Variants in TMEM242 observed in about 807,000 individuals in gnomAD.
TMEM242 encodes transmembrane protein 242, also known as UPF0463 transmembrane protein C6orf35.
TMEM242 carries 10 observed loss-of-function variants against 18.2 expected under a neutral mutation model. The ratio of observed to expected loss-of-function variants is 0.55; its 90% CI spans 0.34 to 0.93. The LOEUF is 0.93. TMEM242 is among the 40% of genes least tolerant of loss of function. The pLI, the probability that TMEM242 is intolerant of heterozygous loss-of-function variation, is 0.02. For missense variants in TMEM242, 186 were observed against 175.5 expected, an observed-to-expected ratio of 1.06 and a Z score of -0.34; for synonymous variants, 57 against 69.9, an observed-to-expected ratio of 0.81 and a Z score of 0.92.
intron 3 of TMEM242, among the ~76,000 whole-genome samples, chr6:157,312,532 GTGCACTCAGCTA>G (rs1562385008): frequency 8.1e-5 from 3 of 36,960 alleles, no homozygotes; most frequent in African/African-American, 2.1e-4. Flanking sequence ...CCGCCCCAGT[GTGCACTCAGCTA>G]GCCTCATCAT....
chr6:157,317,147 C>G (rs1778406608), intron 3 of TMEM242, among the ~76,000 whole-genome samples: 2 of 152,320 alleles, frequency 1.3e-5, no homozygotes, highest in East Asian at 1.9e-4. Flanking sequence ...AAACTTATCT[C>G]TTGATCCCAT....
chr6:157,292,895 C>A lies in TMEM242; in HGVS notation c.*6G>T. On this transcript the variant is annotated 3_prime_UTR_variant, in exon 4 of 4. Coordinates refer to ENST00000400788, the MANE Select transcript of TMEM242 (RefSeq NM_018452.6). ...ACAAGCATTTTGAAATTCATCCATG[C>A]TCATCTCATTTGGATTTCAATGTTT... 1 of 1,607,026 alleles carries A rather than the reference C, an allele frequency of 6.2e-7. No homozygotes were observed. Among genetic ancestry groups the A allele is most frequent in the Non-Finnish European group, 8.5e-7 (1 of 1,173,764 alleles).
intron 3 of TMEM242, among the ~76,000 whole-genome samples, chr6:157,313,391 C>T (rs1778268850): frequency 9.5e-6 from 1 of 105,198 alleles, no homozygotes; most frequent in African/African-American, 3.5e-5. Context: ...TGTACGCTCA[C>T]CGGGCCTTAT....
In TMEM242 at chr6:157,305,573, G is replaced by A. The variant is rs1554247860; in HGVS notation, c.328-12574C>T. 6.6e-6 allele frequency among the ~76,000 whole-genome samples: 1 copy of A among 152,210 alleles called. No homozygotes were observed. Among genetic ancestry groups the A allele is most frequent in the East Asian group, 1.9e-4 (1 of 5,200 alleles). ...AGATAGTACTGTTTGTTTTAAAGTGGCAGGGACTGGACGAAAGAGCCAAGG... is the reference window on the plus strand; with the variant it reads ...AGATAGTACTGTTTGTTTTAAAGTGACAGGGACTGGACGAAAGAGCCAAGG... On this transcript the variant is annotated intron_variant, in intron 3 of 3. Transcript: ENST00000400788. This position sits in a 1 kb window ranked among gnomAD's most constrained non-coding sequence, Gnocchi z 4.1.
At chr6:157,311,206 CCG>C (rs1778061989) in intron 3 of TMEM242, among the ~76,000 whole-genome samples, 1 of 144,638 alleles carries the variant, frequency 6.9e-6, no homozygotes. Flanking sequence ...ATCATACTGT[CCG>C]ACTGTGCGCT....
chr6:157,322,213 C>T (rs1345518255), intron 2 of TMEM242, among the ~76,000 whole-genome samples: 4 of 152,190 alleles, frequency 2.6e-5, no homozygotes, highest in African/African-American at 9.7e-5. Flanking sequence ...TCACTACAAC[C>T]TCAGCCTCCT....
At chr6:157,302,489 C>A (rs150874731) in intron 3 of TMEM242, among the ~76,000 whole-genome samples, 4,931 of 152,296 alleles carry the variant, frequency 0.032, 132 homozygotes, top group Admixed American at 0.047. Flanking sequence ...TACAATCTCT[C>A]TAATAGCTGC....
chr6:157,313,336 T>C (rs797041078), intron 3 of TMEM242, among the ~76,000 whole-genome samples: 20 of 39,752 alleles, frequency 5.0e-4, no homozygotes, highest in Non-Finnish European at 5.9e-4. Flanking sequence ...GGCCTCATCA[T>C]AGTGCCCCAG....
chr6:157,304,507 T>C (rs1554247779), intron 3 of TMEM242, among the ~76,000 whole-genome samples: 3 of 107,958 alleles, frequency 2.8e-5, no homozygotes, highest in African/African-American at 7.0e-5. Context: ...AGAGAGAGAG[T>C]GCCACTGAAA....
intron 3 of TMEM242, among the ~76,000 whole-genome samples, chr6:157,295,868 T>C (rs887962327): frequency 3.3e-5 from 5 of 152,108 alleles, no homozygotes; most frequent in Non-Finnish European, 7.4e-5. Context: ...AACGCAGACA[T>C]TTAAGATATA....
At chr6:157,304,284 G>A (rs781940965) in intron 3 of TMEM242, among the ~76,000 whole-genome samples, 5 of 151,842 alleles carry the variant, frequency 3.3e-5, no homozygotes, top group Non-Finnish European at 7.4e-5. Context: ...TGGTCAACAT[G>A]GTGAAAGCCC....
Position 157,311,218 on chromosome 6 carries a change from TCACC to T in TMEM242, c.327+7560_327+7563del, listed in dbSNP as rs1562382750. Reference sequence around the variant, plus strand: ...CTGATCATACTGTCCGACTGTGCGCTCACCTAGCCTCATCATAGTGTCCCAGTGT... The same window carrying T: ...CTGATCATACTGTCCGACTGTGCGCTTAGCCTCATCATAGTGTCCCAGTGT... On this transcript the variant is annotated intron_variant, in intron 3 of 3. Transcript: ENST00000400788. 5.9e-4 allele frequency among the ~76,000 whole-genome samples: 64 copies of T among 108,478 alleles called. 1 individual carries two copies. The highest frequency in any genetic ancestry group is 5.1e-4 in the Admixed American group (6 of 11,704). The allele number at this position is 108,478 out of a possible 152,430, so 71.2% of individuals were successfully genotyped here.
chr6:157,312,444 GA>G (rs1778187549), intron 3 of TMEM242, among the ~76,000 whole-genome samples: 1 of 35,520 alleles, frequency 2.8e-5, no homozygotes, highest in South Asian at 6.7e-4. Context: ...TGCACTCACC[GA>G]GCCTCATAGT....
At chr6:157,311,685 A>C (rs1278668053) in intron 3 of TMEM242, among the ~76,000 whole-genome samples, 54 of 50,956 alleles carry the variant, frequency 1.1e-3, no homozygotes, top group East Asian at 4.2e-3. Flanking sequence ...ATAGTGTCCC[A>C]GTGTGCACTG....
chr6:157,312,247 C>T (rs587603941), intron 3 of TMEM242, among the ~76,000 whole-genome samples: 115 of 150,870 alleles, frequency 7.6e-4, no homozygotes, highest in African/African-American at 2.0e-3. Flanking sequence ...CTCATCTAGC[C>T]TTATCATAGT....
At chr6:157,299,258 A>T in intron 3 of TMEM242, 1 of 746,382 alleles carries the variant, frequency 1.3e-6, no homozygotes. Context: ...CAGATAGGCC[A>T]ATGGCCCATG....
chr6:157,306,178 C>T (rs1361068639), intron 3 of TMEM242, among the ~76,000 whole-genome samples: 8 of 152,124 alleles, frequency 5.3e-5, no homozygotes, highest in Admixed American at 2.0e-4. Flanking sequence ...GCAGCATGGA[C>T]CTTTTATCTC....
At chr6:157,317,412 C>T (rs1778410572) in intron 3 of TMEM242, among the ~76,000 whole-genome samples, 1 of 152,156 alleles carries the variant, frequency 6.6e-6, no homozygotes, top group Admixed American at 6.6e-5. Flanking sequence ...GTCCAAGTCA[C>T]CAGGCCAAGG....
intron 3 of TMEM242, among the ~76,000 whole-genome samples, chr6:157,316,609 C>T (rs587768837): frequency 1.8e-4 from 28 of 152,296 alleles, no homozygotes; most frequent in Middle Eastern, 3.4e-3. Context: ...GGTGCAGTGG[C>T]TCACACCTTT....
Sources: allele counts gnomAD v4.1 joint callset (sites outside exome capture counted in the v4.1 genomes callset), GRCh38; gene constraint gnomAD v4.1.1; non-coding constraint Gnocchi (gnomAD v3.1); transcripts MANE v1.5; gene names NCBI Gene and HGNC (gene_info 2026-07-23, HGNC 2026-07-21).